XKR4: variants seen among roughly 807,000 people sequenced by gnomAD.
XKR4 encodes XK-related protein 4.
Under a neutral mutation model 53.9 loss-of-function variants are expected in XKR4, and 12 were observed. That is an observed-to-expected ratio of 0.22 (90% CI 0.14 to 0.36). The LOEUF is 0.36. Ranked by LOEUF, XKR4 falls within the 10% of genes least tolerant of loss-of-function variation. The pLI, the probability that XKR4 is intolerant of heterozygous loss-of-function variation, is 1.00. For synonymous variants in XKR4, 354 were observed against 362.4 expected, an observed-to-expected ratio of 0.98 and a Z score of 0.26; for missense variants, 799 against 859.5, an observed-to-expected ratio of 0.93 and a Z score of 0.88.
intron 1 of XKR4, among the ~76,000 whole-genome samples, chr8:55,319,034 T>G (rs1051348017): frequency 6.6e-6 from 1 of 152,220 alleles, no homozygotes; most frequent in African/African-American, 2.4e-5. Context: ...AGTTGACTTT[T>G]GTTCATTTTC....
At chr8:55,181,339 C>T (rs914690136) in intron 1 of XKR4, among the ~76,000 whole-genome samples, 2 of 152,156 alleles carry the variant, frequency 1.3e-5, no homozygotes, top group East Asian at 1.9e-4. Context: ...CTATGTGTCA[C>T]TCTGATAACT....
chr8:55,299,340 G>A (rs1345014901), intron 1 of XKR4, among the ~76,000 whole-genome samples: 1 of 152,134 alleles, frequency 6.6e-6, no homozygotes, highest in Non-Finnish European at 1.5e-5. Flanking sequence ...AAATGAACAA[G>A]GCTCCGTGTG....
At chr8:55,243,674 G>T (rs1394859559) in intron 1 of XKR4, among the ~76,000 whole-genome samples, 2 of 152,164 alleles carry the variant, frequency 1.3e-5, no homozygotes, top group Non-Finnish European at 2.9e-5. Flanking sequence ...TTAACATTTT[G>T]CATTCCCACC....
rs566477777 is a variant in XKR4 at position 55,450,434 on chromosome 8, C to A, written c.1007-72847C>A. On this transcript the variant is annotated intron_variant, in intron 2 of 2. Coordinates refer to ENST00000327381, the MANE Select transcript of XKR4 (RefSeq NM_052898.2). ...ATGGCTGTCCTCTTGCTCATCCGGT[C>A]CACACAGAGACCTGCAAGGCAGCTG... The A allele has an allele frequency of 2.4e-5, 14 of 577,992 alleles. No individual in the cohort carries two copies. The South Asian group carries it at 2.6e-4, about 11-fold the overall frequency. The allele number at this position is 577,992 out of a possible 1,614,324, so 35.8% of individuals were successfully genotyped here. A position where few individuals can be genotyped will look rare whatever the true frequency, so the allele number is the denominator to read the frequency against.
intron 1 of XKR4, among the ~76,000 whole-genome samples, chr8:55,159,498 A>C (rs1816955720): frequency 6.6e-6 from 1 of 152,178 alleles, no homozygotes; most frequent in African/African-American, 2.4e-5. Context: ...ATCCAATTTG[A>C]ATATTATGAA....
chr8:55,416,644 G>C (rs892067609), intron 2 of XKR4, among the ~76,000 whole-genome samples: 1 of 152,188 alleles, frequency 6.6e-6, no homozygotes. Flanking sequence ...CAAGCAGGGG[G>C]GTGAAAAGAA....
chr8:55,417,029 C>A (rs1804862307), intron 2 of XKR4, among the ~76,000 whole-genome samples: 1 of 152,300 alleles, frequency 6.6e-6, no homozygotes, highest in Middle Eastern at 3.4e-3. Context: ...CCAGACCACA[C>A]CCAGACCAAT....
At chr8:55,292,794 G>C (rs910582320) in intron 1 of XKR4, among the ~76,000 whole-genome samples, 2 of 151,994 alleles carry the variant, frequency 1.3e-5, no homozygotes, top group Non-Finnish European at 2.9e-5. Flanking sequence ...TCTCAGTACT[G>C]TGTTAACTAT....
At chr8:55,404,786 T>C (rs1804660261) in intron 2 of XKR4, among the ~76,000 whole-genome samples, 2 of 152,148 alleles carry the variant, frequency 1.3e-5, no homozygotes, top group Non-Finnish European at 2.9e-5. Context: ...AAAATAGATA[T>C]CTAGGGGCCA....
Position 55,449,631 on chromosome 8 carries a change from C to G in XKR4, c.1007-73650C>G, listed in dbSNP as rs1356985724. 8 of 1,026,010 alleles carry G rather than the reference C, an allele frequency of 7.8e-6. No individual in the cohort carries two copies. The Admixed American group carries it at 1.0e-4, about 13-fold the overall frequency. 63.6% of individuals were successfully genotyped at this position (1,026,010 alleles called of 1,614,324 possible). A position where few individuals can be genotyped will look rare whatever the true frequency, so the allele number is the denominator to read the frequency against. On this transcript the variant is annotated intron_variant, in intron 2 of 2. Transcript: ENST00000327381. ...ACGTCAAAGAAGGCCTTCTCATCCA[C>G]GCTCTTAGGGGCACCCATGGTGGCC...
chr8:55,471,810 A>C (rs1190748771), intron 2 of XKR4, among the ~76,000 whole-genome samples: 1 of 152,068 alleles, frequency 6.6e-6, no homozygotes, highest in Admixed American at 6.5e-5. Flanking sequence ...CTGCTCTTGC[A>C]ATGTGATGTG....
At chr8:55,157,071 A>G (rs73596995) in intron 1 of XKR4, among the ~76,000 whole-genome samples, 3 of 152,394 alleles carry the variant, frequency 2.0e-5, no homozygotes, top group African/African-American at 7.2e-5. Flanking sequence ...GAAAGCTTCT[A>G]TAACAACTTT....
rs536838767 is a variant in XKR4, at chr8:55,443,472, T to C, written c.1007-79809T>C. On this transcript the variant is annotated intron_variant, in intron 2 of 2. Transcript: ENST00000327381. ...AAAAAATCCTTAAGAGCAAGAGACA[T>C]AGGGATTAGGAAGAAAGAAACAATA... Among the ~76,000 whole-genome samples, 4 of 116,406 alleles carry C rather than the reference T, an allele frequency of 3.4e-5. No homozygotes were observed. The East Asian group carries it at 7.6e-4, about 22-fold the overall frequency. The allele number at this position is 116,406 out of a possible 152,430, so 76.4% of individuals were successfully genotyped here.
chr8:55,289,650 G>GA (rs1563316470), intron 1 of XKR4, among the ~76,000 whole-genome samples: 857 of 69,958 alleles, frequency 0.012, 5 homozygotes, highest in Non-Finnish European at 0.016. Flanking sequence ...AGAAAGAAAG[G>GA]AAGGAAGGAA....
chr8:55,470,011 C>A (rs1362401203), intron 2 of XKR4, among the ~76,000 whole-genome samples: 1 of 152,012 alleles, frequency 6.6e-6, no homozygotes, highest in Non-Finnish European at 1.5e-5. Context: ...ATAAGAAGTG[C>A]CATGATAGAA....
chr8:55,275,839 G>C (rs1818755959), intron 1 of XKR4, among the ~76,000 whole-genome samples: 1 of 152,082 alleles, frequency 6.6e-6, no homozygotes, highest in Non-Finnish European at 1.5e-5. Context: ...CTTTTCCTCT[G>C]TCAGATTCCC....
At chr8:55,300,730 G>A (rs957910393) in intron 1 of XKR4, among the ~76,000 whole-genome samples, 1 of 152,130 alleles carries the variant, frequency 6.6e-6, no homozygotes, top group African/African-American at 2.4e-5. Context: ...GGGGGAATAA[G>A]GTGCTTCCAT....
rs139111449 is a variant in XKR4, at chr8:55,117,848, G to T, written c.806+14554G>T. On this transcript the variant is annotated intron_variant, in intron 1 of 2. Transcript: ENST00000327381. ...TTCAATGTTACCATAATATCAATGA[G>T]AACTAATTAAGACCAATTATGGGAT... 1.5e-3 allele frequency among the ~76,000 whole-genome samples: 232 copies of T among 152,236 alleles called. 1 individual carries two copies. The highest frequency in any genetic ancestry group is 2.4e-3 in the Non-Finnish European group (166 of 68,010).
chr8:55,303,145 G>C (rs1455561546), intron 1 of XKR4, among the ~76,000 whole-genome samples: 1 of 152,134 alleles, frequency 6.6e-6, no homozygotes, highest in African/African-American at 2.4e-5. Context: ...GTCATAGATA[G>C]ATCTTATTAT....
Sources: allele counts gnomAD v4.1 joint callset (sites outside exome capture counted in the v4.1 genomes callset), GRCh38; gene constraint gnomAD v4.1.1; transcripts MANE v1.5; gene names NCBI Gene and HGNC (gene_info 2026-07-23, HGNC 2026-07-21).